The following DGUOK variants were observed in gnomAD, a reference collection of about 807,000 sequenced individuals.
The protein encoded by DGUOK is deoxyguanosine kinase.
A neutral mutation model predicts 36.6 loss-of-function variants in DGUOK; 30 were observed. The ratio of observed to expected loss-of-function variants is 0.82; its 90% confidence interval spans 0.61 to 1.11. The LOEUF (loss-of-function observed/expected upper bound fraction) is 1.11, where lower values mean the gene tolerates loss of function less well. Ranked by LOEUF, DGUOK falls within the 50% of genes most tolerant of loss-of-function variation. The pLI is 0.00. For synonymous variants in DGUOK, 145 were observed against 126.3 expected, an observed-to-expected ratio of 1.15 and a Z score of -0.99; for missense variants, 361 against 336.4, an observed-to-expected ratio of 1.07 and a Z score of -0.57.
At chr2:73,957,261 G>A in intron 5 of DGUOK, 21 bp downstream of exon 5, 1 of 1,592,336 alleles carries the variant, frequency 6.3e-7, no homozygotes, top group Non-Finnish European at 8.6e-7. Flanking sequence ...AGAAAAGAAT[G>A]TATCAGAGAC....
At chr2:73,933,763 G>A (rs2243819) in intron 1 of DGUOK, among the ~76,000 whole-genome samples, 86,099 of 151,840 alleles carry the variant, frequency 0.57, 25,678 homozygotes, top group Non-Finnish European at 0.65. Context: ...TCTTGGGGTT[G>A]GAATATAACT....
chr2:73,938,892 A>T lies in DGUOK; in HGVS notation c.143-18A>T, dbSNP rs758520393. 1.3e-6 allele frequency: 2 copies of T among 1,564,462 alleles called. No homozygotes were observed. The highest frequency in any genetic ancestry group is 3.3e-5 in the Admixed American group (2 of 59,954). Reference sequence around the variant, plus strand: ...CCTGATTTGGGAAGCATCCCAATACATGCTATTTGCATTGCAGCTGTGGGA... The same window carrying T: ...CCTGATTTGGGAAGCATCCCAATACTTGCTATTTGCATTGCAGCTGTGGGA... On this transcript the variant is annotated intron_variant, in intron 1 of 6. Coordinates refer to ENST00000264093, the MANE Select transcript of DGUOK (RefSeq NM_080916.3).
intron 3 of DGUOK, chr2:73,947,201 A>C: frequency 7.1e-6 from 3 of 421,514 alleles, no homozygotes; most frequent in Non-Finnish European, 8.9e-6. Context: ...TAGCCACCTA[A>C]TGTAACCATC....
intron 1 of DGUOK, among the ~76,000 whole-genome samples, chr2:73,929,042 T>G (rs772821367): frequency 1.3e-5 from 2 of 152,190 alleles, no homozygotes; most frequent in Non-Finnish European, 2.9e-5. Flanking sequence ...ACTCCAATTA[T>G]TTTGACTTGA....
At chr2:73,947,153 C>G (rs1266441038) in intron 3 of DGUOK, 1 of 504,048 alleles carries the variant, frequency 2.0e-6, no homozygotes, top group Non-Finnish European at 3.6e-6. Context: ...CTACTGATTA[C>G]CTTATGTTTC....
intron 2 of DGUOK, among the ~76,000 whole-genome samples, chr2:73,943,698 A>G (rs1390905902): frequency 6.6e-6 from 1 of 151,054 alleles, no homozygotes; most frequent in Non-Finnish European, 1.5e-5. Context: ...TGCCCAGGCC[A>G]GAGTGCAATG....
intron 4 of DGUOK, 135 bp downstream of exon 4, chr2:73,950,867 A>AGGAGGGTGTCC: frequency 2.5e-6 from 3 of 1,212,936 alleles, no homozygotes; most frequent in Non-Finnish European, 3.7e-6. Flanking sequence ...AGTGGGGGAC[A>AGGAGGGTGTCC]CCCTCCTGTC....
intron 1 of DGUOK, 51 bp downstream of exon 1, chr2:73,927,103 C>T: frequency 1.9e-6 from 3 of 1,601,000 alleles, no homozygotes; most frequent in Non-Finnish European, 2.5e-6. Context: ...ACGCAGGCGA[C>T]AGAGGCTGGG....
intron 2 of DGUOK, among the ~76,000 whole-genome samples, chr2:73,940,861 A>G (rs779228062): frequency 1.5e-4 from 23 of 152,158 alleles, no homozygotes; most frequent in Non-Finnish European, 2.9e-4. Context: ...GTGTGAGTAC[A>G]TTTTCTGATG....
At chr2:73,954,361 A>AT (rs112319458) in intron 4 of DGUOK, among the ~76,000 whole-genome samples, 30 of 147,840 alleles carry the variant, frequency 2.0e-4, no homozygotes, top group South Asian at 2.2e-4. Flanking sequence ...GAATAAATAA[A>AT]TTTTTTTTTT....
chr2:73,956,885 TG>T (rs1421201636), intron 4 of DGUOK, among the ~76,000 whole-genome samples: 5 of 152,212 alleles, frequency 3.3e-5, no homozygotes, highest in Non-Finnish European at 5.9e-5. Flanking sequence ...GATGACTGGA[TG>T]GATGATGTTC....
rs781754589 is a variant in DGUOK, at chr2:73,927,067, G to C, written c.142+15G>C. 1 of 1,606,090 alleles carries C rather than the reference G, an allele frequency of 6.2e-7. No individual in the cohort carries two copies. Among genetic ancestry groups the C allele is most frequent in the Non-Finnish European group, 8.5e-7 (1 of 1,179,928 alleles). On this transcript the variant is annotated intron_variant, in intron 1 of 6. Coordinates refer to ENST00000264093, the MANE Select transcript of DGUOK (RefSeq NM_080916.3). Reference sequence around the variant, plus strand: ...AGGCAACATTGGTAAGGGCCGGAAAGCGGCTGCCAAGCCTTGGCCTCCGCC... The same window carrying C: ...AGGCAACATTGGTAAGGGCCGGAAACCGGCTGCCAAGCCTTGGCCTCCGCC...
chr2:73,943,797 A>C (rs746620797), intron 2 of DGUOK, among the ~76,000 whole-genome samples: 67 of 151,818 alleles, frequency 4.4e-4, no homozygotes, highest in Non-Finnish European at 8.2e-4. Context: ...TTACAGGCAT[A>C]CCACCATGCC....
chr2:73,928,990 G>A (rs1045759004), intron 1 of DGUOK, among the ~76,000 whole-genome samples: 1 of 152,216 alleles, frequency 6.6e-6, no homozygotes, highest in African/African-American at 2.4e-5. Flanking sequence ...TTTGGTGACA[G>A]GTTGAATGCA....
rs781275867 is a variant in DGUOK, at chr2:73,926,918, C to A, written c.8C>A (p.Ala3Glu). The part of the protein sequence containing the change: MA[A>E]GRLFLSRLRA... ...GTGTGAATCGTGGGTGGGATGGCCG[C>A]GGGCCGCCTCTTTCTAAGTCGGCTT... The change falls in exon 1 of 7, where the codon GCG becomes GAG. Residue 3 changes from alanine (A) to glutamate (E), a missense_variant. Physicochemically the swap from Ala to Glu is moderately radical, Grantham distance 107. Transcript: ENST00000264093. The A allele has an allele frequency of 1.4e-4, 227 of 1,613,354 alleles. 1 individual carries two copies. Among genetic ancestry groups the A allele is most frequent in the Non-Finnish European group, 1.9e-4 (221 of 1,180,032 alleles).
chr2:73,927,087 T>A, intron 1 of DGUOK, 35 bp downstream of exon 1: 1 of 1,603,486 alleles, frequency 6.2e-7, no homozygotes, highest in Non-Finnish European at 8.5e-7. Flanking sequence ...AGCCTTGGCC[T>A]CCGCCACGCA....
Position 73,957,113 on chromosome 2 carries a change from A to T in DGUOK, c.592-12A>T, listed in dbSNP as rs1337924632. 13 of 1,602,240 alleles carry T rather than the reference A, an allele frequency of 8.1e-6. No individual in the cohort carries two copies. Among genetic ancestry groups the T allele is most frequent in the Admixed American group, 1.7e-5 (1 of 60,000 alleles). On this transcript the variant is annotated splice_polypyrimidine_tract_variant and intron_variant, in intron 4 of 6. Coordinates refer to ENST00000264093, the MANE Select transcript of DGUOK (RefSeq NM_080916.3). ...GCAAAGAGCTCATCAGGGCTTGGGG[A>T]CTGTCTTTTAGGTTTGTTTGAAGAG...
At chr2:73,928,508 A>G (rs1326819804) in intron 1 of DGUOK, among the ~76,000 whole-genome samples, 1 of 152,228 alleles carries the variant, frequency 6.6e-6, no homozygotes, top group Non-Finnish European at 1.5e-5. Context: ...TGAGGGAGCA[A>G]ATCACGTGGA....
chr2:73,927,871 T>C (rs998871663), intron 1 of DGUOK, among the ~76,000 whole-genome samples: 1 of 152,222 alleles, frequency 6.6e-6, no homozygotes, highest in Non-Finnish European at 1.5e-5. Context: ...TGTTGAGTAC[T>C]GAAGACGTAG....
Sources: gnomAD v4.1 joint callset for allele counts (sites outside exome capture counted in the v4.1 genomes callset) on GRCh38, gnomAD v4.1.1 for gene constraint, MANE v1.5 for transcripts, NCBI Gene and HGNC (gene_info 2026-07-23, HGNC 2026-07-21) for gene names.